XKR9: variants seen among roughly 807,000 people sequenced by gnomAD.
XKR9 encodes XK related 9.
A neutral mutation model predicts 32.0 loss-of-function variants in XKR9; 32 were observed. The ratio of observed to expected loss-of-function variants is 1.00; its 90% CI spans 0.76 to 1.34. XKR9 has a LOEUF of 1.34. Ranked by LOEUF, XKR9 falls within the 40% of genes most tolerant of loss-of-function variation. XKR9 has a pLI of 0.00. For missense variants in XKR9, 546 were observed against 429.7 expected, an observed-to-expected ratio of 1.27 and a Z score of -2.39; for synonymous variants, 168 against 143.4, an observed-to-expected ratio of 1.17 and a Z score of -1.22.
chr8:70,932,220 G>A, the XKR9 span, among the ~76,000 whole-genome samples: 1 of 151,900 alleles, frequency 6.6e-6, no homozygotes, highest in Non-Finnish European at 1.5e-5. Flanking sequence ...GAATGTGGTA[G>A]TATAATATGA....
chr8:70,699,759 A>G (rs1459386706), intron 3 of XKR9, among the ~76,000 whole-genome samples: 8 of 152,136 alleles, frequency 5.3e-5, no homozygotes, highest in Non-Finnish European at 7.3e-5. Context: ...GTTCTCCTGG[A>G]TAATATCCTG....
At chr8:71,044,556 T>C in the XKR9 span, among the ~76,000 whole-genome samples, 1 of 152,226 alleles carries the variant, frequency 6.6e-6, no homozygotes, top group Non-Finnish European at 1.5e-5. Flanking sequence ...AGAAGTTCTT[T>C]CTCAGTTTGT....
downstream of XKR9, among the ~76,000 whole-genome samples, chr8:70,793,367 A>G (rs888890854): frequency 3.9e-5 from 6 of 152,050 alleles, no homozygotes; most frequent in African/African-American, 1.4e-4. Context: ...CAATGGATTA[A>G]TGGATTAATG....
chr8:70,963,495 G>T, the XKR9 span, among the ~76,000 whole-genome samples: 1 of 152,158 alleles, frequency 6.6e-6, no homozygotes, highest in African/African-American at 2.4e-5. Context: ...TAATGGAATT[G>T]CTGGGTCAAA....
chr8:70,732,293 ACT>A (rs1320926280), intron 4 of XKR9, among the ~76,000 whole-genome samples: 1 of 152,128 alleles, frequency 6.6e-6, no homozygotes, highest in Non-Finnish European at 1.5e-5. Flanking sequence ...AGCTACAGAC[ACT>A]CTGCCATGGA....
chr8:70,778,709 A>G (rs1035874238), intron 2 of XKR9, among the ~76,000 whole-genome samples: 2 of 152,078 alleles, frequency 1.3e-5, no homozygotes, highest in African/African-American at 4.8e-5. Flanking sequence ...TCTTTGTAGT[A>G]ATTGTGAATG....
intron 4 of XKR9, among the ~76,000 whole-genome samples, chr8:70,714,791 T>G (rs1202031405): frequency 6.6e-6 from 1 of 152,160 alleles, no homozygotes; most frequent in Non-Finnish European, 1.5e-5. Context: ...TCTATTTTCT[T>G]CACTGATGTC....
At chr8:71,006,255 G>A in the XKR9 span, among the ~76,000 whole-genome samples, 5 of 152,348 alleles carry the variant, frequency 3.3e-5, no homozygotes, top group Non-Finnish European at 5.9e-5. Context: ...CTGTAGGCTG[G>A]ATGTGGCCCA....
the XKR9 span, among the ~76,000 whole-genome samples, chr8:71,042,643 T>C: frequency 1.3e-5 from 2 of 151,964 alleles, no homozygotes; most frequent in Non-Finnish European, 2.9e-5. Flanking sequence ...TACAGAAAAA[T>C]GTTTAGTATA....
the XKR9 span, among the ~76,000 whole-genome samples, chr8:70,946,975 T>G: frequency 6.6e-6 from 1 of 152,136 alleles, no homozygotes. Flanking sequence ...ATAGGCTCTG[T>G]GAAGTCTAAT....
chr8:70,720,494 T>C (rs1313164179), intron 4 of XKR9, among the ~76,000 whole-genome samples: 1 of 152,124 alleles, frequency 6.6e-6, no homozygotes, highest in African/African-American at 2.4e-5. Flanking sequence ...GTTTATTGAG[T>C]GTTTTTAGCA....
At chr8:70,979,157 T>C in the XKR9 span, among the ~76,000 whole-genome samples, 1 of 152,196 alleles carries the variant, frequency 6.6e-6, no homozygotes, top group Non-Finnish European at 1.5e-5. Flanking sequence ...TCAAGGTTGT[T>C]AGCTTCCTTG....
the XKR9 span, among the ~76,000 whole-genome samples, chr8:70,981,054 C>A: frequency 6.6e-6 from 1 of 152,124 alleles, no homozygotes; most frequent in Non-Finnish European, 1.5e-5. Context: ...GATGCTTTTG[C>A]CTGACAGCTC....
At chr8:70,988,757 A>G in the XKR9 span, among the ~76,000 whole-genome samples, 1 of 152,206 alleles carries the variant, frequency 6.6e-6, no homozygotes, top group Non-Finnish European at 1.5e-5. Context: ...ATTGTTGTGC[A>G]AGAGATGTCT....
chr8:70,764,379 G>T (rs1299130264), intron 2 of XKR9, among the ~76,000 whole-genome samples: 4 of 152,128 alleles, frequency 2.6e-5, no homozygotes, highest in Non-Finnish European at 4.4e-5. Context: ...TGGAACTTCA[G>T]CTTGGAGAGG....
the XKR9 span, among the ~76,000 whole-genome samples, chr8:71,053,377 CCTT>C: frequency 1.3e-5 from 2 of 152,188 alleles, no homozygotes; most frequent in East Asian, 3.9e-4. Context: ...TAGTTTCTCT[CCTT>C]CTGACACTGG....
the XKR9 span, among the ~76,000 whole-genome samples, chr8:70,953,941 A>G: frequency 2.0e-5 from 3 of 152,150 alleles, no homozygotes; most frequent in African/African-American, 7.2e-5. Context: ...CCAGGGAAAG[A>G]GCATAGAGGA....
the XKR9 span, among the ~76,000 whole-genome samples, chr8:70,960,920 A>C: frequency 1.3e-5 from 2 of 151,796 alleles, no homozygotes; most frequent in African/African-American, 2.4e-5. Context: ...TGTAATCTCC[A>C]GCATTTTGGG....
intron 4 of XKR9, among the ~76,000 whole-genome samples, chr8:70,716,681 G>A (rs1360894763): frequency 6.6e-6 from 1 of 152,074 alleles, no homozygotes; most frequent in Non-Finnish European, 1.5e-5. Context: ...GATTTGGGTG[G>A]GGACACAAAG....
Sources: allele counts gnomAD v4.1 joint callset (sites outside exome capture counted in the v4.1 genomes callset), GRCh38; gene constraint gnomAD v4.1.1; transcripts MANE v1.5; gene names NCBI Gene and HGNC (gene_info 2026-07-23, HGNC 2026-07-21).